PPP1R12C: variants seen among roughly 807,000 people sequenced by gnomAD.
The protein encoded by PPP1R12C is leukocyte receptor cluster (LRC) encoded novel gene 3.
A neutral mutation model predicts 95.6 loss-of-function variants in PPP1R12C; 48 were observed. The observed-to-expected ratio is 0.50, with a 90% CI of 0.40 to 0.64. PPP1R12C has a LOEUF of 0.64. Among genes scored for constraint, PPP1R12C ranks in the 30% least tolerant of loss-of-function variants. The pLI, the probability that PPP1R12C is intolerant of heterozygous loss-of-function variation, is 0.00. For synonymous variants in PPP1R12C, 480 were observed against 460.8 expected, an observed-to-expected ratio of 1.04 and a Z score of -0.53; for missense variants, 1,057 against 1,083.3, an observed-to-expected ratio of 0.98 and a Z score of 0.34.
intron 1 of PPP1R12C, chr19:55,113,473 C>A: frequency 6.8e-7 from 1 of 1,475,112 alleles, no homozygotes; most frequent in Non-Finnish European, 9.0e-7. Flanking sequence ...GGGGCTGACA[C>A]GGGCCACCGT....
rs1209907103 is a variant in PPP1R12C at position 55,096,045 on chromosome 19, C to T, written c.1153+6G>A. 3 of 1,609,348 alleles carry T rather than the reference C, an allele frequency of 1.9e-6. No individual in the cohort carries two copies. In the African/African-American group the frequency reaches 4.0e-5, roughly 21 times the overall value. ...GGACCCAGGAGTCCAGATTCAGGCC[C>T]CTCACCGGTGGGACCTTCTTCCCCC... On this transcript the variant is annotated splice_donor_region_variant and intron_variant, in intron 8 of 21. Transcript: ENST00000263433.
rs1451574052 is a variant in PPP1R12C, at chr19:55,094,850, G to A, written c.1455-52C>T. ...CATTACCCAGGTGCATTGTGTGCCG[G>A]CACTGGAGATGCAGCCGTGAGTGAA... is the stretch of plus-strand genomic sequence containing the variant. On this transcript the variant is annotated intron_variant, in intron 11 of 21. Transcript: ENST00000263433. 11 of 1,541,216 alleles carry A rather than the reference G, an allele frequency of 7.1e-6. No individual in the cohort carries two copies. In the Admixed American group the frequency reaches 9.8e-5, roughly 14 times the overall value.
At chr19:55,113,152 G>C in intron 1 of PPP1R12C, 1 of 503,058 alleles carries the variant, frequency 2.0e-6, no homozygotes, top group Non-Finnish European at 3.5e-6. Flanking sequence ...CCAGTGCTCA[G>C]ACTAGGGAAG....
At chr19:55,095,661 G>C in intron 9 of PPP1R12C, 58 bp from the exon 10 acceptor site, 3 of 1,509,592 alleles carry the variant, frequency 2.0e-6, no homozygotes, top group Non-Finnish European at 2.7e-6. Context: ...CAGACCTCAA[G>C]GGTTAGCCCC....
Position 55,109,250 on chromosome 19 carries a change from T to C in PPP1R12C, c.571+3217A>G, listed in dbSNP as rs1027193881. Among the ~76,000 whole-genome samples, 13 of 152,158 alleles carry C rather than the reference T, an allele frequency of 8.5e-5. No individual in the cohort carries two copies. The highest frequency in any genetic ancestry group is 3.1e-4 in the African/African-American group (13 of 41,430). On this transcript the variant is annotated intron_variant, in intron 3 of 21. Transcript: ENST00000263433. The surrounding 1 kb of genome is among the most constrained non-coding windows in gnomAD (Gnocchi z 4.4). ...TGAGTAGCTGGGAGCGTACGTGCAT[T>C]CCCACGCCTGGCTAATGTGTTTTGT...
intron 11 of PPP1R12C, 50 bp from the exon 12 acceptor site, chr19:55,094,848 C>G (rs752254667): frequency 1.3e-6 from 2 of 1,544,894 alleles, no homozygotes; most frequent in Non-Finnish European, 8.7e-7. Flanking sequence ...CATTGTGTGC[C>G]GGCACTGGAG....
intron 3 of PPP1R12C, among the ~76,000 whole-genome samples, chr19:55,105,068 C>G (rs1454961185): frequency 6.8e-6 from 1 of 147,470 alleles, no homozygotes; most frequent in Non-Finnish European, 1.5e-5. Context: ...CCGCATCTGA[C>G]CCTTTTTTTT....
chr19:55,105,430 G>A (rs1463267898), intron 3 of PPP1R12C, among the ~76,000 whole-genome samples: 1 of 152,154 alleles, frequency 6.6e-6, no homozygotes, highest in South Asian at 2.1e-4. Flanking sequence ...CCCTTGCCCA[G>A]GGGTCAGAAA....
At chr19:55,106,131 T>G (rs932989945) in intron 3 of PPP1R12C, among the ~76,000 whole-genome samples, 7 of 152,178 alleles carry the variant, frequency 4.6e-5, no homozygotes, top group Non-Finnish European at 1.0e-4. Context: ...ACTAGTGGAA[T>G]AGTGGTGCCA....
chr19:55,099,294 GCAGTTA>G (rs1301121789), intron 4 of PPP1R12C, among the ~76,000 whole-genome samples, 199 bp from the exon 5 acceptor site: 1 of 152,248 alleles, frequency 6.6e-6, no homozygotes, highest in African/African-American at 2.4e-5. Context: ...CCTTGGACCA[GCAGTTA>G]CATGTTAAAC....
At chr19:55,099,512 C>T (rs1041917859) in intron 4 of PPP1R12C, among the ~76,000 whole-genome samples, 10 of 152,332 alleles carry the variant, frequency 6.6e-5, no homozygotes, top group African/African-American at 1.7e-4. Flanking sequence ...CTCTAGGACC[C>T]GGGCTGGCTT....
intron 3 of PPP1R12C, among the ~76,000 whole-genome samples, chr19:55,106,191 C>T (rs1230543076): frequency 1.3e-5 from 2 of 151,150 alleles, no homozygotes; most frequent in Non-Finnish European, 2.9e-5. Context: ...TAGCCCTTTA[C>T]AGAGAAAGTT....
At position 55,091,715 on chromosome 19, in the gene PPP1R12C, G is replaced by T; in HGVS notation, c.2212-15C>A. The stretch of plus-strand genomic sequence containing the variant: ...GCCCTGCGCTCCTGGAATGAACAGG[G>T]AAAGTGCAGAAACTGAGTGAGGCTG... On this transcript the variant is annotated splice_polypyrimidine_tract_variant and intron_variant, in intron 20 of 21. Coordinates refer to ENST00000263433, the MANE Select transcript of PPP1R12C (RefSeq NM_017607.4). 1 of 1,613,630 alleles carries T rather than the reference G, an allele frequency of 6.2e-7. No individual in the cohort carries two copies. Among genetic ancestry groups the T allele is most frequent in the South Asian group, 1.1e-5 (1 of 91,080 alleles).
At position 55,091,793 on chromosome 19, in the gene PPP1R12C, T is replaced by G. The variant is rs2084844673; in HGVS notation, c.2211+66A>C. The stretch of plus-strand genomic sequence containing the variant: ...GCTGGGAAGGGCAATGTGGCTCCCT[T>G]GGTCCAAACTTAGGGATGTGAGGCT... On this transcript the variant is annotated intron_variant, in intron 20 of 21. Transcript: ENST00000263433. 6.8e-6 allele frequency: 11 copies of G among 1,611,108 alleles called. No individual in the cohort carries two copies. The South Asian group carries it at 1.2e-4, about 18-fold the overall frequency.
At position 55,117,539 on chromosome 19, in the gene PPP1R12C, G is replaced by T; in HGVS notation, c.5C>A (p.Ser2Tyr). The T allele has an allele frequency of 1.0e-6, 1 of 1,002,922 alleles. No individual in the cohort carries two copies. The highest frequency in any genetic ancestry group is 1.2e-6 in the Non-Finnish European group (1 of 844,038). The allele number at this position is 1,002,922 out of a possible 1,614,324, so 62.1% of individuals were successfully genotyped here. A position where few individuals can be genotyped will look rare whatever the true frequency, so the allele number is the denominator to read the frequency against. Residue 2 changes from serine (S) to tyrosine (Y), a missense_variant, in exon 1 of 22, where the codon TCC (serine) becomes TAC (tyrosine). Around this residue, in one of 5 missense-constraint regions of PPP1R12C, gnomAD observed 70 missense variants for 47.8 expected, o/e 1.46. Transcript: ENST00000263433. ...GCCAGCCGCCGGGCCATCCTCTCCGGACATCGCACCGCCCGCCCGCCCAGC... is the reference window on the plus strand; with the variant it reads ...GCCAGCCGCCGGGCCATCCTCTCCGTACATCGCACCGCCCGCCCGCCCAGC... Reference protein sequence around the residue: MSGEDGPAAGPG... With the variant: MYGEDGPAAGPG...
chr19:55,092,516 T>C lies in PPP1R12C; in HGVS notation c.1981A>G (p.Arg661Gly). 1.2e-6 allele frequency: 2 copies of C among 1,608,354 alleles called. No individual in the cohort carries two copies. Among genetic ancestry groups the C allele is most frequent in the South Asian group, 2.2e-5 (2 of 90,382 alleles). The change falls in exon 18 of 22, where the codon AGG becomes GGG. Residue 661 changes from arginine to glycine, a missense_variant. Physicochemically the swap from Arg to Gly is moderately radical, Grantham distance 125. Transcript: ENST00000263433. ...TTGAGGTCCCGCTGCCACCGCTGCCTGCGGGCCGAGGGGCCGCCCTCCAGG... is the reference window on the plus strand; with the variant it reads ...TTGAGGTCCCGCTGCCACCGCTGCCCGCGGGCCGAGGGGCCGCCCTCCAGG... ...STLEGGPSAR[R>G]QRWQRDLNPE...
intron 19 of PPP1R12C, 150 bp downstream of exon 19, chr19:55,092,072 G>T: frequency 9.2e-7 from 1 of 1,091,354 alleles, no homozygotes; most frequent in East Asian, 2.6e-5. Context: ...CCATCCCCTC[G>T]CTCAGACTCC....
At chr19:55,097,677 C>T (rs377238367) in intron 6 of PPP1R12C, among the ~76,000 whole-genome samples, 4 of 147,122 alleles carry the variant, frequency 2.7e-5, no homozygotes, top group South Asian at 2.3e-4. Flanking sequence ...TCGCCCCTTC[C>T]CCGCGCAGTT....
chr19:55,114,394 C>A (rs2085131858), intron 1 of PPP1R12C: 1 of 152,418 alleles, frequency 6.6e-6, no homozygotes, highest in East Asian at 1.9e-4. Flanking sequence ...GGTTGATAAA[C>A]CCACGTGGGG....
Sources: allele counts gnomAD v4.1 joint callset (sites outside exome capture counted in the v4.1 genomes callset), GRCh38; gene constraint gnomAD v4.1.1; regional missense constraint gnomAD v4.1.1; non-coding constraint Gnocchi (gnomAD v3.1); transcripts MANE v1.5; gene names NCBI Gene and HGNC (gene_info 2026-07-23, HGNC 2026-07-21).